CBLB: variants seen among roughly 807,000 people sequenced by gnomAD.
CBLB encodes Cbl proto-oncogene B, also known as E3 ubiquitin-protein ligase CBL-B.
In CBLB, 31 loss-of-function variants were observed where a neutral mutation model predicts 104.9. The ratio of observed to expected loss-of-function variants is 0.30; its 90% CI spans 0.22 to 0.40. The LOEUF is 0.40. CBLB is among the 10% of genes least tolerant of loss of function. The probability of loss-of-function intolerance (pLI) is 1.00; values close to 1 mark genes in which losing one functional copy is unlikely to be tolerated. For missense variants in CBLB, 1,062 were observed against 1,214.6 expected (o/e 0.87, Z 1.87); for synonymous variants, 440 against 422.6 (o/e 1.04, Z -0.51).
At chr3:105,731,231 G>A (rs2074277409) in intron 9 of CBLB, among the ~76,000 whole-genome samples, 1 of 152,170 alleles carries the variant, frequency 6.6e-6, no homozygotes, top group Non-Finnish European at 1.5e-5. Flanking sequence ...TATGCCTTTT[G>A]CACATAATGA....
At position 105,813,167 on chromosome 3, in the gene CBLB, G is replaced by C. The variant is rs376187607; in HGVS notation, c.420-36625C>G. The stretch of plus-strand genomic sequence containing the variant: ...CGCCATTTCCCTACAAGAAGGAAGA[G>C]TAATAAAATGATTAAGAAACAACTC... On this transcript the variant is annotated intron_variant, in intron 3 of 18. Coordinates refer to ENST00000394030, the MANE Select transcript of CBLB (RefSeq NM_170662.5). Among the ~76,000 whole-genome samples, 11 of 152,116 alleles carry C rather than the reference G, an allele frequency of 7.2e-5. No homozygotes were observed. The East Asian group carries it at 1.9e-3, about 27-fold the overall frequency.
In CBLB at chr3:105,720,222, C is replaced by T; in HGVS notation, c.1232G>A (p.Cys411Tyr). The change falls in exon 10 of 19, where the codon TGT (cysteine) becomes TAT (tyrosine). Residue 411 changes from cysteine (C) to tyrosine (Y), a missense_variant. Coordinates refer to ENST00000394030, the MANE Select transcript of CBLB (RefSeq NM_170662.5). ...QESDGQGCPF[C>Y]RCEIKGTEPI... Reference sequence around the variant, plus strand: ...CTCAGTTCCTTTTATTTCACAACGACAGAAAGGGCAGCCCTGACCATCCGA... The same window carrying T: ...CTCAGTTCCTTTTATTTCACAACGATAGAAAGGGCAGCCCTGACCATCCGA... 1 of 1,613,430 alleles carries T rather than the reference C, an allele frequency of 6.2e-7. No individual in the cohort carries two copies. The highest frequency in any genetic ancestry group is 8.5e-7 in the Non-Finnish European group (1 of 1,179,834).
chr3:105,701,542 C>A (rs2069113892), intron 12 of CBLB, among the ~76,000 whole-genome samples: 1 of 152,102 alleles, frequency 6.6e-6, no homozygotes, highest in Admixed American at 6.5e-5. Flanking sequence ...GCGGGTGGAT[C>A]CCCTGAGCTC....
intron 9 of CBLB, among the ~76,000 whole-genome samples, chr3:105,725,313 G>C (rs747837595): frequency 6.6e-6 from 1 of 152,086 alleles, no homozygotes; most frequent in Non-Finnish European, 1.5e-5. Flanking sequence ...CATGAAGTTG[G>C]TCTAGAATGA....
chr3:105,821,260 ATATCTATC>A lies in CBLB; in HGVS notation c.419+32146_419+32153del, dbSNP rs10660729. ...CTTTAAAGATCAGATATCTATATCT[ATATCTATC>A]TATCTATCTATCTATCTATCTATCA... On this transcript the variant is annotated intron_variant, in intron 3 of 18. Coordinates refer to ENST00000394030, the MANE Select transcript of CBLB (RefSeq NM_170662.5). Among the ~76,000 whole-genome samples, 554 of 149,512 alleles carry A rather than the reference ATATCTATC, an allele frequency of 3.7e-3. 5 individuals are homozygous for A. The highest frequency in any genetic ancestry group is 0.011 in the African/African-American group (453 of 40,700).
chr3:105,701,670 G>A (rs2069128450), intron 12 of CBLB, among the ~76,000 whole-genome samples: 1 of 152,036 alleles, frequency 6.6e-6, no homozygotes, highest in South Asian at 2.1e-4. Context: ...GGCTGAGGCA[G>A]GAGAATCGCT....
chr3:105,673,995 T>C (rs1463460280), intron 17 of CBLB: 1 of 152,190 alleles, frequency 6.6e-6, no homozygotes, highest in Non-Finnish European at 1.5e-5. Flanking sequence ...AACTTGAACA[T>C]GCATCAGAAT....
chr3:105,709,088 T>C (rs1171871401), intron 10 of CBLB, among the ~76,000 whole-genome samples: 2 of 151,926 alleles, frequency 1.3e-5, no homozygotes, highest in Non-Finnish European at 2.9e-5. Context: ...ATCAAATATC[T>C]AACCAAATAA....
intron 3 of CBLB, among the ~76,000 whole-genome samples, chr3:105,849,248 T>A (rs568155991): frequency 6.6e-6 from 1 of 152,152 alleles, no homozygotes; most frequent in Admixed American, 6.6e-5. Context: ...TACATTATTA[T>A]GAATTGTTAT....
chr3:105,805,583 G>A (rs866368572), intron 3 of CBLB, among the ~76,000 whole-genome samples: 21 of 152,136 alleles, frequency 1.4e-4, no homozygotes, highest in African/African-American at 5.1e-4. Flanking sequence ...TGGGATTACA[G>A]GCATGAGCCA....
intron 4 of CBLB, among the ~76,000 whole-genome samples, chr3:105,755,328 A>C (rs2076993257): frequency 1.3e-5 from 2 of 152,174 alleles, no homozygotes; most frequent in South Asian, 4.1e-4. Context: ...ATGCAGGGAA[A>C]TAAATCTGGA....
intron 13 of CBLB, among the ~76,000 whole-genome samples, chr3:105,692,964 C>G (rs1469853895): frequency 6.6e-6 from 1 of 150,428 alleles, no homozygotes; most frequent in African/African-American, 2.5e-5. Context: ...ACTAACTCTC[C>G]GATCATAAGA....
chr3:105,826,233 A>G (rs2086562623), intron 3 of CBLB, among the ~76,000 whole-genome samples: 1 of 152,212 alleles, frequency 6.6e-6, no homozygotes, highest in Non-Finnish European at 1.5e-5. Context: ...TGATCAGAGA[A>G]ACGAACATAC....
intron 17 of CBLB, chr3:105,670,563 A>G: frequency 1.8e-6 from 1 of 540,780 alleles, no homozygotes; most frequent in Non-Finnish European, 3.3e-6. Flanking sequence ...TTATTTCCAG[A>G]TAATAAAGAC....
chr3:105,742,534 C>T (rs192060164), intron 6 of CBLB, among the ~76,000 whole-genome samples: 1 of 152,144 alleles, frequency 6.6e-6, no homozygotes, highest in Non-Finnish European at 1.5e-5. Context: ...CAACTATTGG[C>T]ATTCTTAATC....
chr3:105,825,409 G>A (rs148916323), intron 3 of CBLB, among the ~76,000 whole-genome samples: 30 of 152,266 alleles, frequency 2.0e-4, no homozygotes, highest in Admixed American at 3.3e-4. Context: ...GAAAGGAAGC[G>A]GAGAGGAAAG....
chr3:105,767,556 T>C (rs1422662326), intron 4 of CBLB, among the ~76,000 whole-genome samples: 1 of 17,668 alleles, frequency 5.7e-5, no homozygotes, highest in African/African-American at 2.0e-4. Context: ...ATTTTTCTTT[T>C]TCTTTCTTTT....
At chr3:105,785,481 C>T (rs886904108) in intron 3 of CBLB, among the ~76,000 whole-genome samples, 2 of 152,030 alleles carry the variant, frequency 1.3e-5, no homozygotes, top group Non-Finnish European at 2.9e-5. Flanking sequence ...GAAATTAATG[C>T]TATATCCCTC....
rs1368295645 is a variant in CBLB, at chr3:105,789,351, AAGT to A, written c.420-12812_420-12810del. On this transcript the variant is annotated intron_variant, in intron 3 of 18. Transcript: ENST00000394030. ...TTAAGAATTTTATTCTTGTTAAACA[AAGT>A]AGTTTTTACATTAAAAATTATAAAT... is the stretch of plus-strand genomic sequence containing the variant. Among the ~76,000 whole-genome samples the A allele has an allele frequency of 3.9e-5, 6 of 152,284 alleles. No homozygotes were observed. In the East Asian group the frequency reaches 9.6e-4, roughly 24 times the overall value.
Sources: gnomAD v4.1 joint callset for allele counts (sites outside exome capture counted in the v4.1 genomes callset) on GRCh38, gnomAD v4.1.1 for gene constraint, MANE v1.5 for transcripts, NCBI Gene and HGNC (gene_info 2026-07-23, HGNC 2026-07-21) for gene names.